The following TDRD3 variants were observed in gnomAD, a reference collection of about 807,000 sequenced individuals.
TDRD3 encodes tudor domain containing 3, also known as tudor domain-containing protein 3.
Under a neutral mutation model 86.7 loss-of-function variants are expected in TDRD3, and 45 were observed. The observed-to-expected ratio is 0.52, with a 90% CI of 0.41 to 0.67. TDRD3 has a LOEUF of 0.67. Among genes scored for constraint, TDRD3 ranks in the 30% least tolerant of loss-of-function variants. The probability of loss-of-function intolerance (pLI) is 0.00; values close to 1 mark genes in which losing one functional copy is unlikely to be tolerated. For missense variants in TDRD3, 814 were observed against 889.0 expected, an observed-to-expected ratio of 0.92 and a Z score of 1.07; for synonymous variants, 298 against 301.7, an observed-to-expected ratio of 0.99 and a Z score of 0.13.
intron 13 of TDRD3, among the ~76,000 whole-genome samples, chr13:60,572,438 A>G (rs1021578967): frequency 5.3e-5 from 8 of 152,226 alleles, no homozygotes; most frequent in African/African-American, 1.4e-4. Context: ...GATGGATTAT[A>G]GCACCAGGAG....
intron 1 of TDRD3, among the ~76,000 whole-genome samples, chr13:60,406,035 G>A (rs1004981479): frequency 5.9e-5 from 9 of 152,206 alleles, no homozygotes; most frequent in African/African-American, 2.2e-4. Context: ...GTTAGGGACT[G>A]TTAGAAGACG....
intron 3 of TDRD3, among the ~76,000 whole-genome samples, chr13:60,448,949 A>T (rs912531283): frequency 6.6e-6 from 1 of 152,152 alleles, no homozygotes; most frequent in African/African-American, 2.4e-5. Flanking sequence ...CTAACTGTAC[A>T]GTCTTTGAGT....
At chr13:60,434,395 G>C (rs1214331603) in intron 1 of TDRD3, among the ~76,000 whole-genome samples, 1 of 151,622 alleles carries the variant, frequency 6.6e-6, no homozygotes, top group Non-Finnish European at 1.5e-5. Flanking sequence ...TTGAGCCCAG[G>C]CAGTTCAGGC....
chr13:60,397,278 T>C lies in TDRD3; in HGVS notation c.-87T>C. 4 of 713,498 alleles carry C rather than the reference T, an allele frequency of 5.6e-6. No homozygotes were observed. Among genetic ancestry groups the C allele is most frequent in the Non-Finnish European group, 8.2e-6 (4 of 486,206 alleles). The allele number at this position is 713,498 out of a possible 1,614,324, so 44.2% of individuals were successfully genotyped here. A position where few individuals can be genotyped will look rare whatever the true frequency, so the allele number is the denominator to read the frequency against. ...GAGTTTTTTCTTTTCTTTTCTTTTTTTTTTTTTAAGGGGGGGGGTCTCAAG... is the reference window on the plus strand; with the variant it reads ...GAGTTTTTTCTTTTCTTTTCTTTTTCTTTTTTTAAGGGGGGGGGTCTCAAG... On this transcript the variant is annotated 5_prime_UTR_variant, in exon 1 of 14. Transcript: ENST00000377881.
intron 1 of TDRD3, among the ~76,000 whole-genome samples, chr13:60,398,782 G>T (rs1318413586): frequency 2.0e-5 from 3 of 152,208 alleles, no homozygotes; most frequent in Admixed American, 2.0e-4. Flanking sequence ...TTTTTTCGCA[G>T]AACAGCATGG....
chr13:60,424,371 T>G (rs931221686), intron 1 of TDRD3, among the ~76,000 whole-genome samples: 4 of 151,862 alleles, frequency 2.6e-5, no homozygotes, highest in Non-Finnish European at 4.4e-5. Context: ...AGAAAAAAAT[T>G]CACCTCTTTA....
At chr13:60,439,664 A>C in intron 1 of TDRD3, 24 bp from the exon 2 acceptor site, 1 of 1,508,492 alleles carries the variant, frequency 6.6e-7, no homozygotes, top group East Asian at 2.5e-5. Context: ...AGATAATATT[A>C]AGCCATTTAT....
chr13:60,500,959 G>GGCCACA (rs1956817391), intron 8 of TDRD3, among the ~76,000 whole-genome samples: 2 of 152,184 alleles, frequency 1.3e-5, no homozygotes, highest in African/African-American at 4.8e-5. Flanking sequence ...AGTGGCCATG[G>GGCCACA]TGGGAGGGAG....
chr13:60,505,853 T>C (rs1956925126), intron 8 of TDRD3, among the ~76,000 whole-genome samples: 1 of 151,986 alleles, frequency 6.6e-6, no homozygotes, highest in African/African-American at 2.4e-5. Flanking sequence ...AAAGGAACAA[T>C]GAAAGCCTCC....
chr13:60,529,301 A>G, intron 11 of TDRD3, 84 bp downstream of exon 11: 1 of 1,425,326 alleles, frequency 7.0e-7, no homozygotes, highest in East Asian at 2.3e-5. Context: ...TCACTTTGGA[A>G]CTATGAGTCT....
intron 1 of TDRD3, among the ~76,000 whole-genome samples, chr13:60,425,826 T>C (rs1186566885): frequency 6.6e-6 from 1 of 152,194 alleles, no homozygotes; most frequent in Non-Finnish European, 1.5e-5. Context: ...TGATGGTCTC[T>C]TTCCACATAA....
chr13:60,430,825 G>A (rs1031828610), intron 1 of TDRD3, among the ~76,000 whole-genome samples: 6 of 151,942 alleles, frequency 3.9e-5, no homozygotes, highest in Admixed American at 2.0e-4. Flanking sequence ...TTGAATATGA[G>A]TCATAAAATA....
chr13:60,517,586 CA>C (rs1331428246), intron 10 of TDRD3, among the ~76,000 whole-genome samples: 5 of 152,218 alleles, frequency 3.3e-5, no homozygotes, highest in Admixed American at 3.3e-4. Context: ...CACAGCCTAT[CA>C]CTTTCTTTCT....
intron 3 of TDRD3, among the ~76,000 whole-genome samples, chr13:60,451,454 T>A (rs925508764): frequency 6.6e-6 from 1 of 152,182 alleles, no homozygotes; most frequent in African/African-American, 2.4e-5. Flanking sequence ...TGAAGTTCAT[T>A]GTCGGCATCT....
chr13:60,442,788 G>T (rs1955310708), intron 2 of TDRD3, among the ~76,000 whole-genome samples: 1 of 152,018 alleles, frequency 6.6e-6, no homozygotes, highest in South Asian at 2.1e-4. Flanking sequence ...TTATAGAGGA[G>T]TAAATTAACT....
chr13:60,485,633 C>T (rs1376049655), intron 6 of TDRD3, among the ~76,000 whole-genome samples, 166 bp from the exon 7 acceptor site: 1 of 151,876 alleles, frequency 6.6e-6, no homozygotes, highest in Non-Finnish European at 1.5e-5. Context: ...GTTACTTTTC[C>T]AGTTTTCTAC....
At chr13:60,402,650 C>T (rs1180174859) in intron 1 of TDRD3, among the ~76,000 whole-genome samples, 2 of 146,420 alleles carry the variant, frequency 1.4e-5, no homozygotes, top group African/African-American at 5.0e-5. Context: ...ATCATTAAAA[C>T]ACTTTTTTAG....
chr13:60,514,619 C>T (rs983433911), intron 10 of TDRD3, among the ~76,000 whole-genome samples: 6 of 152,072 alleles, frequency 3.9e-5, no homozygotes, highest in African/African-American at 1.4e-4. Context: ...GGAGGGAGCA[C>T]TATGTATACA....
At position 60,557,123 on chromosome 13, in the gene TDRD3, T is replaced by C. The variant is rs1179375584; in HGVS notation, c.2119-10402T>C. Among the ~76,000 whole-genome samples the C allele has an allele frequency of 2.6e-5, 4 of 151,610 alleles. No individual in the cohort carries two copies. In the East Asian group the frequency reaches 7.8e-4, roughly 30 times the overall value. ...CTGGAGGCTGAGGCAGGAGAATCGC[T>C]TGAACCCAGGAGGCGGAGCTTGCGG... On this transcript the variant is annotated intron_variant, in intron 12 of 13. Transcript: ENST00000377881.
Sources: allele counts gnomAD v4.1 joint callset (sites outside exome capture counted in the v4.1 genomes callset), GRCh38; gene constraint gnomAD v4.1.1; transcripts MANE v1.5; gene names NCBI Gene and HGNC (gene_info 2026-07-23, HGNC 2026-07-21).